LGR5: variants seen among roughly 807,000 people sequenced by gnomAD.
LGR5 encodes the protein leucine rich repeat containing G protein-coupled receptor 5.
In LGR5, 54 loss-of-function variants were observed where a neutral mutation model predicts 76.7. The ratio of observed to expected loss-of-function variants is 0.70; its 90% CI spans 0.57 to 0.88. The LOEUF is 0.88. LGR5 is among the 40% of genes least tolerant of loss of function. LGR5 has a pLI of 0.00. For missense variants in LGR5, 1,078 were observed against 1,073.3 expected (o/e 1.00, Z -0.06); for synonymous variants, 406 against 421.9 (o/e 0.96, Z 0.46).
rs752810868 is a variant in LGR5, at chr12:71,584,181, G to T, written c.2171G>T (p.Gly724Val). 1 of 1,614,114 alleles carries T rather than the reference G, an allele frequency of 6.2e-7. No homozygotes were observed. The highest frequency in any genetic ancestry group is 2.2e-5 in the East Asian group (1 of 44,868). The change falls in exon 18 of 18, where the codon GGC (glycine) becomes GTC (valine). Residue 724 changes from glycine to valine, a missense_variant. Transcript: ENST00000266674. ...CCTTTTGGGGAGCCCAGCACCATGG[G>T]CTACATGGTCGCTCTCATCTTGCTC... The part of the protein sequence containing the change: ...PLPFGEPSTM[G>V]YMVALILLNS...
chr12:71,454,669 C>G (rs1872388778), intron 1 of LGR5, among the ~76,000 whole-genome samples: 1 of 152,006 alleles, frequency 6.6e-6, no homozygotes, highest in Non-Finnish European at 1.5e-5. Context: ...ACCTGCCAAG[C>G]ATAGCACAGA....
In LGR5 at chr12:71,440,063, C is replaced by A. The variant is rs1871682490; in HGVS notation, c.-18C>A. The A allele has an allele frequency of 1.3e-6, 2 of 1,597,358 alleles. No individual in the cohort carries two copies. Among genetic ancestry groups the A allele is most frequent in the African/African-American group, 2.7e-5 (2 of 74,772 alleles). On this transcript the variant is annotated 5_prime_UTR_variant, in exon 1 of 18. Transcript: ENST00000266674. The surrounding 1 kb of genome is among the most constrained non-coding windows in gnomAD (Gnocchi z 5.3). The stretch of plus-strand genomic sequence containing the variant: ...CTCTCCGCCCGCGTCCGGCTCGTGG[C>A]CCCCTACTTCGGGCACCATGGACAC...
intron 1 of LGR5, among the ~76,000 whole-genome samples, chr12:71,475,474 C>A (rs1207834058): frequency 6.6e-6 from 1 of 151,582 alleles, no homozygotes; most frequent in African/African-American, 2.4e-5. Context: ...CTTGATCTGG[C>A]CTTGGCTGTT....
intron 1 of LGR5, among the ~76,000 whole-genome samples, chr12:71,449,709 T>C (rs755151086): frequency 6.6e-6 from 1 of 152,224 alleles, no homozygotes; most frequent in Non-Finnish European, 1.5e-5. Flanking sequence ...ATATAATTAG[T>C]TGTATATTAC....
chr12:71,585,464 T>G lies in LGR5; in HGVS notation c.*730T>G, dbSNP rs764669804. On this transcript the variant is annotated 3_prime_UTR_variant, in exon 18 of 18. Transcript: ENST00000266674. Reference sequence around the variant, plus strand: ...TGTTACTAAGGCAATCATGCACAGGTGACGTATGTCTTATCTGATTTGTTT... The same window carrying G: ...TGTTACTAAGGCAATCATGCACAGGGGACGTATGTCTTATCTGATTTGTTT... 4 of 152,242 alleles carry G rather than the reference T, an allele frequency of 2.6e-5. No homozygotes were observed. The highest frequency in any genetic ancestry group is 4.8e-5 in the African/African-American group (2 of 41,472). The allele number at this position is 152,242 out of a possible 1,614,324, so 9.4% of individuals were successfully genotyped here.
chr12:71,485,828 C>A (rs1436053185), intron 1 of LGR5, among the ~76,000 whole-genome samples: 1 of 151,036 alleles, frequency 6.6e-6, no homozygotes, highest in Non-Finnish European at 1.5e-5. Context: ...TGCAGTGGTG[C>A]AATCTCGGCT....
Position 71,575,599 on chromosome 12 carries a change from T to C in LGR5, c.1209-2326T>C, listed in dbSNP as rs977872676. Among the ~76,000 whole-genome samples, 6 of 152,098 alleles carry C rather than the reference T, an allele frequency of 3.9e-5. 1 individual carries two copies. Among genetic ancestry groups the C allele is most frequent in the Admixed American group, 3.9e-4 (6 of 15,258 alleles). On this transcript the variant is annotated intron_variant, in intron 13 of 17. Transcript: ENST00000266674. Reference sequence around the variant, plus strand: ...AGTGGTGGGCACCTGTAATCCCAGCTACTCGGGAGGCTGAGGCAGGAGAAT... The same window carrying C: ...AGTGGTGGGCACCTGTAATCCCAGCCACTCGGGAGGCTGAGGCAGGAGAAT...
At chr12:71,480,124 G>T (rs1873523561) in intron 1 of LGR5, among the ~76,000 whole-genome samples, 1 of 152,106 alleles carries the variant, frequency 6.6e-6, no homozygotes, top group Non-Finnish European at 1.5e-5. Context: ...AGCACTTTGG[G>T]AGACCAAGGC....
At chr12:71,538,664 T>C (rs1876724158) in intron 4 of LGR5, among the ~76,000 whole-genome samples, 1 of 152,146 alleles carries the variant, frequency 6.6e-6, no homozygotes, top group South Asian at 2.1e-4. Flanking sequence ...GCTTGAGTAA[T>C]GCAGTGAGAT....
At chr12:71,553,892 G>C (rs1278837515) in intron 5 of LGR5, among the ~76,000 whole-genome samples, 4 of 152,078 alleles carry the variant, frequency 2.6e-5, no homozygotes, top group African/African-American at 9.7e-5. Flanking sequence ...GGAGTTCGAG[G>C]CCAGCCTGGT....
intron 1 of LGR5, among the ~76,000 whole-genome samples, chr12:71,451,866 C>T (rs1336372172): frequency 1.3e-5 from 2 of 152,104 alleles, no homozygotes; most frequent in Non-Finnish European, 2.9e-5. Flanking sequence ...CTTGGGAGTG[C>T]ACCTTTCATA....
At chr12:71,561,146 T>C (rs1318285470) in intron 7 of LGR5, among the ~76,000 whole-genome samples, 2 of 152,110 alleles carry the variant, frequency 1.3e-5, no homozygotes, top group Non-Finnish European at 2.9e-5. Flanking sequence ...TGTTCTGACT[T>C]AGGAAACCCC....
intron 2 of LGR5, among the ~76,000 whole-genome samples, chr12:71,509,500 G>A (rs12825932): frequency 0.093 from 14,081 of 152,110 alleles, 701 homozygotes; most frequent in Non-Finnish European, 0.11. Context: ...TTTCCCTCCA[G>A]CAGTATCTCT....
intron 2 of LGR5, among the ~76,000 whole-genome samples, chr12:71,508,062 CA>C (rs61662758): frequency 0.012 from 1,415 of 114,782 alleles, 12 homozygotes; most frequent in East Asian, 0.034. Context: ...TACTAAAATA[CA>C]AAAAAAAAAA....
At chr12:71,491,561 G>T (rs1037824219) in intron 1 of LGR5, among the ~76,000 whole-genome samples, 1 of 151,784 alleles carries the variant, frequency 6.6e-6, no homozygotes, top group Admixed American at 6.6e-5. Context: ...TTATCTGGTA[G>T]AAGAACATAA....
Position 71,566,110 on chromosome 12 carries a change from G to C in LGR5, c.858-294G>C, listed in dbSNP as rs112474584. The stretch of plus-strand genomic sequence containing the variant: ...ATATTCTACAGATGTTGGAGGGAGA[G>C]GAAACTGTTAAGTATTCAATTTACT... On this transcript the variant is annotated intron_variant, in intron 8 of 17. Transcript: ENST00000266674. 6.4e-3 allele frequency among the ~76,000 whole-genome samples: 979 copies of C among 152,196 alleles called. 12 individuals carry two copies. Among genetic ancestry groups the C allele is most frequent in the African/African-American group, 0.022 (912 of 41,536 alleles).
chr12:71,475,999 T>C (rs185304627), intron 1 of LGR5, among the ~76,000 whole-genome samples: 96 of 152,236 alleles, frequency 6.3e-4, no homozygotes, highest in Non-Finnish European at 1.1e-3. Context: ...ATGTTGGGGA[T>C]TGACACGCAG....
intron 4 of LGR5, among the ~76,000 whole-genome samples, chr12:71,541,586 T>TAAGGAAAGCAGCAGAGA (rs1876884476): frequency 6.6e-6 from 1 of 152,196 alleles, no homozygotes; most frequent in Admixed American, 6.5e-5. Context: ...AGAATGTGAA[T>TAAGGAAAGCAGCAGAGA]ATTGCAAAGA....
chr12:71,529,289 C>A (rs1876176800), intron 3 of LGR5, among the ~76,000 whole-genome samples: 1 of 152,056 alleles, frequency 6.6e-6, no homozygotes, highest in South Asian at 2.1e-4. Flanking sequence ...GCTGGGGAGG[C>A]CTCGGGAAAC....
Sources: gnomAD v4.1 joint callset for allele counts (sites outside exome capture counted in the v4.1 genomes callset) on GRCh38, gnomAD v4.1.1 for gene constraint, Gnocchi (gnomAD v3.1) non-coding constraint, MANE v1.5 for transcripts, NCBI Gene and HGNC (gene_info 2026-07-23, HGNC 2026-07-21) for gene names.